The following SLC46A1 variants were observed in gnomAD, a reference collection of about 807,000 sequenced individuals.
SLC46A1 encodes solute carrier family 46 member 1, also known as proton-coupled folate transporter.
A neutral mutation model predicts 32.1 loss-of-function variants in SLC46A1; 17 were observed. That is an observed-to-expected ratio of 0.53 (90% CI 0.36 to 0.79). The LOEUF (loss-of-function observed/expected upper bound fraction) is 0.79. SLC46A1 is among the 30% of genes least tolerant of loss of function. SLC46A1 has a pLI of 0.00. For missense variants in SLC46A1, 517 were observed against 588.2 expected (o/e 0.88, Z 1.25); for synonymous variants, 240 against 262.7 (o/e 0.91, Z 0.84).
Position 28,395,625 on chromosome 17 carries a change from CG to C in SLC46A1, c.*4030del, listed in dbSNP as rs547710909. On this transcript the variant is annotated 3_prime_UTR_variant, in exon 5 of 5. Transcript: ENST00000612814. The stretch of plus-strand genomic sequence containing the variant: ...TCTAGGCTACCCCCATAGCACCCCC[CG>C]GGCCCCCAGTGGGGAATCATCTCTT... 905 of 379,330 alleles carry C rather than the reference CG, an allele frequency of 2.4e-3. 12 individuals are homozygous for C. Among genetic ancestry groups the C allele is most frequent in the African/African-American group, 0.017 (836 of 49,184 alleles). 23.5% of individuals were successfully genotyped at this position (379,330 alleles called of 1,614,324 possible).
chr17:28,402,846 C>T (rs1291328417), intron 2 of SLC46A1: 1 of 152,832 alleles, frequency 6.5e-6, no homozygotes, highest in African/African-American at 2.4e-5. Context: ...GTAAATACTA[C>T]CTTATTTGGA....
Position 28,399,543 on chromosome 17 carries a change from G to A in SLC46A1, c.*113C>T. ...GACTACCTCGTCCAAAGAGAGCACT[G>A]CCCTTAGACAAGAGTTGCTTGTCCT... is the stretch of plus-strand genomic sequence containing the variant. On this transcript the variant is annotated 3_prime_UTR_variant, in exon 5 of 5. Coordinates refer to ENST00000612814, the MANE Select transcript of SLC46A1 (RefSeq NM_080669.6). 1 of 1,070,964 alleles carries A rather than the reference G, an allele frequency of 9.3e-7. No homozygotes were observed. The highest frequency in any genetic ancestry group is 1.6e-5 in the African/African-American group (1 of 64,244). 66.3% of individuals were successfully genotyped at this position (1,070,964 alleles called of 1,614,324 possible). A position where few individuals can be genotyped will look rare whatever the true frequency, so the allele number is the denominator to read the frequency against.
In SLC46A1 at chr17:28,397,271, T is replaced by G. The variant is rs2068138397; in HGVS notation, c.*2385A>C. The G allele has an allele frequency of 6.6e-6, 1 of 152,396 alleles. No individual in the cohort carries two copies. Among genetic ancestry groups the G allele is most frequent in the Admixed American group, 6.5e-5 (1 of 15,286 alleles). 9.4% of individuals were successfully genotyped at this position (152,396 alleles called of 1,614,324 possible). A position where few individuals can be genotyped will look rare whatever the true frequency, so the allele number is the denominator to read the frequency against. ...GCAGCTTCTCCAACTTTAACATGCA[T>G]CCAAGTCACCTGGGAATGTTGTTAA... On this transcript the variant is annotated 3_prime_UTR_variant, in exon 5 of 5. Coordinates refer to ENST00000612814, the MANE Select transcript of SLC46A1 (RefSeq NM_080669.6).
rs41297909 is a variant in SLC46A1, at chr17:28,398,413, T to C, written c.*1243A>G. The C allele has an allele frequency of 5.2e-3, 796 of 152,380 alleles. 11 individuals are homozygous for C. The highest frequency in any genetic ancestry group is 0.029 in the Admixed American group (438 of 15,298). The allele number at this position is 152,380 out of a possible 1,614,324, so 9.4% of individuals were successfully genotyped here. ...AGCCTCCTCTAAGCCAAGGCCAGTGTGTTCAGAGGTGACTGCCACCCATAC... is the reference window on the plus strand; with the variant it reads ...AGCCTCCTCTAAGCCAAGGCCAGTGCGTTCAGAGGTGACTGCCACCCATAC... On this transcript the variant is annotated 3_prime_UTR_variant, in exon 5 of 5. Transcript: ENST00000612814.
intron 3 of SLC46A1, 127 bp downstream of exon 3, chr17:28,402,111 T>C (rs1468304808): frequency 6.8e-6 from 5 of 739,952 alleles, no homozygotes; most frequent in Non-Finnish European, 8.7e-6. Context: ...GTGTTTGTTT[T>C]GGCCACTTAC....
At position 28,399,561 on chromosome 17, in the gene SLC46A1, C is replaced by T. The variant is rs782368223; in HGVS notation, c.*95G>A. 7.6e-7 allele frequency: 1 copy of T among 1,323,096 alleles called. No individual in the cohort carries two copies. The highest frequency in any genetic ancestry group is 1.2e-5 in the South Asian group (1 of 81,928). The allele number at this position is 1,323,096 out of a possible 1,614,324, so 82.0% of individuals were successfully genotyped here. On this transcript the variant is annotated 3_prime_UTR_variant, in exon 5 of 5. Coordinates refer to ENST00000612814, the MANE Select transcript of SLC46A1 (RefSeq NM_080669.6). ...GAGCACTGCCCTTAGACAAGAGTTG[C>T]TTGTCCTGCTGTGGGCTGGGCTTCC...
intron 2 of SLC46A1, 196 bp downstream of exon 2, chr17:28,404,420 A>G (rs1297859512): frequency 6.1e-6 from 4 of 656,938 alleles, no homozygotes; most frequent in Non-Finnish European, 1.1e-5. Context: ...TAGCTACTGA[A>G]GGTCTATATT....
rs1180495255 is a variant in SLC46A1, at chr17:28,402,093, A to G, written c.1165+145T>C. 5 of 659,186 alleles carry G rather than the reference A, an allele frequency of 7.6e-6. No homozygotes were observed. In the East Asian group the frequency reaches 1.4e-4, roughly 18 times the overall value. The allele number at this position is 659,186 out of a possible 1,614,324, so 40.8% of individuals were successfully genotyped here. ...TCCTCTGCCCATTGTGGGCAATTTCACAGAAATGTGTTTGTTTTGGCCACT... is the reference window on the plus strand; with the variant it reads ...TCCTCTGCCCATTGTGGGCAATTTCGCAGAAATGTGTTTGTTTTGGCCACT... On this transcript the variant is annotated intron_variant, in intron 3 of 4. Coordinates refer to ENST00000612814, the MANE Select transcript of SLC46A1 (RefSeq NM_080669.6).
rs1352061592 is a variant in SLC46A1 at position 28,398,739 on chromosome 17, A to G, written c.*917T>C. ...AGAGAGGCATCTCATTGTAGAATGTATGAGGAAGTGGGAAGTATCTCAGAG... is the reference window on the plus strand; with the variant it reads ...AGAGAGGCATCTCATTGTAGAATGTGTGAGGAAGTGGGAAGTATCTCAGAG... On this transcript the variant is annotated 3_prime_UTR_variant, in exon 5 of 5. Transcript: ENST00000612814. 3 of 152,326 alleles carry G rather than the reference A, an allele frequency of 2.0e-5. No individual in the cohort carries two copies. The highest frequency in any genetic ancestry group is 2.0e-4 in the Admixed American group (3 of 15,288). 9.4% of individuals were successfully genotyped at this position (152,326 alleles called of 1,614,324 possible).
Position 28,395,620 on chromosome 17 carries a change from C to G in SLC46A1, c.*4036G>C, listed in dbSNP as rs1326936608. On this transcript the variant is annotated 3_prime_UTR_variant, in exon 5 of 5. Transcript: ENST00000612814. ...AACTATCTAGGCTACCCCCATAGCA[C>G]CCCCCGGGCCCCCAGTGGGGAATCA... is the stretch of plus-strand genomic sequence containing the variant. 7 of 356,906 alleles carry G rather than the reference C, an allele frequency of 2.0e-5. No individual in the cohort carries two copies. Among genetic ancestry groups the G allele is most frequent in the African/African-American group, 6.2e-5 (3 of 48,390 alleles). The allele number at this position is 356,906 out of a possible 1,614,324, so 22.1% of individuals were successfully genotyped here.
rs1249700111 is a variant in SLC46A1, at chr17:28,406,048, C to A, written c.67G>T (p.Gly23Cys). 21 of 1,605,824 alleles carry A rather than the reference C, an allele frequency of 1.3e-5. No homozygotes were observed. The highest frequency in any genetic ancestry group is 1.7e-5 in the Non-Finnish European group (20 of 1,177,466). ...ARPAAAVLCR[G>C]PVEPLVFLAN... ...AGGAAGACCAGCGGCTCTACCGGGC[C>A]CCGGCACAGCACGGCAGCCGCAGGG... Residue 23 changes from glycine (G) to cysteine (C), a missense_variant, in exon 1 of 5, where the codon GGC becomes TGC. Gly to Cys is a radical substitution (Grantham distance 159). Coordinates refer to ENST00000612814, the MANE Select transcript of SLC46A1 (RefSeq NM_080669.6). The surrounding 1 kb of genome is among the most constrained non-coding windows in gnomAD (Gnocchi z 4.5).
chr17:28,399,771 TG>T, intron 4 of SLC46A1, 58 bp from the exon 5 acceptor site: 4 of 1,586,518 alleles, frequency 2.5e-6, no homozygotes, highest in Non-Finnish European at 3.5e-6. Flanking sequence ...AAGGCCTGTC[TG>T]GAGAAGTGAC....
chr17:28,404,790 G>C lies in SLC46A1; in HGVS notation c.907C>G (p.Leu303Val). The C allele has an allele frequency of 1.2e-6, 2 of 1,614,036 alleles. No homozygotes were observed. The highest frequency in any genetic ancestry group is 2.2e-5 in the South Asian group (2 of 91,084). Residue 303 changes from leucine to valine, a missense_variant, in exon 2 of 5, where the codon CTA becomes GTA. By Grantham distance (32) the Leu-to-Val change is conservative. Transcript: ENST00000612814. ...LSTPLCWDSK[L>V]IGYGSAAQHL... ...TGAGCTGCAGAACCATAGCCGATTAGTTTGGAGTCCCAGCAGAGGGGTGTG... is the reference window on the plus strand; with the variant it reads ...TGAGCTGCAGAACCATAGCCGATTACTTTGGAGTCCCAGCAGAGGGGTGTG...
rs558367155 is a variant in SLC46A1 at position 28,404,840 on chromosome 17, T to A, written c.857A>T (p.Asp286Val). 2 of 1,613,966 alleles carry A rather than the reference T, an allele frequency of 1.2e-6. No individual in the cohort carries two copies. Among genetic ancestry groups the A allele is most frequent in the East Asian group, 4.5e-5 (2 of 44,882 alleles). ...GCTTAGTTCATAAAGGGTTAAGATG[T>A]CCTGGGCCCCAAAGTGCACAGTGAT... ...VVITVHFGAQDILTLYELSTP... is the reference protein window; with the variant it reads ...VVITVHFGAQVILTLYELSTP... Residue 286 changes from aspartate (D) to valine (V), a missense_variant, in exon 2 of 5, where the codon GAC (aspartate) becomes GTC (valine). By Grantham distance (152) the Asp-to-Val change is radical. Transcript: ENST00000612814.
At chr17:28,403,804 G>A (rs1218920801) in intron 2 of SLC46A1, 2 of 152,200 alleles carry the variant, frequency 1.3e-5, no homozygotes, top group Admixed American at 6.5e-5. Flanking sequence ...TTGAGCTCAG[G>A]AGTTAGAGAC....
Position 28,396,317 on chromosome 17 carries a change from CTT to C in SLC46A1, c.*3337_*3338del. On this transcript the variant is annotated 3_prime_UTR_variant, in exon 5 of 5. Transcript: ENST00000612814. ...CCCCAGTTCCCCAGCCCTGCTGTGA[CTT>C]CCATTTCCATCGTCCTTTCTGAAGG... 6.2e-7 allele frequency: 1 copy of C among 1,611,806 alleles called. No individual in the cohort carries two copies. Among genetic ancestry groups the C allele is most frequent in the Non-Finnish European group, 8.5e-7 (1 of 1,178,490 alleles).
Position 28,405,387 on chromosome 17 carries a change from G to A in SLC46A1, c.310C>T (p.Leu104=), listed in dbSNP as rs1417608734. Residue 104 remains leucine, a synonymous_variant, in exon 2 of 5, where the codon CTG becomes TTG. Coordinates refer to ENST00000612814, the MANE Select transcript of SLC46A1 (RefSeq NM_080669.6). ...FLVGLFSSTL[L]GAWSDSVGRR... The stretch of plus-strand genomic sequence containing the variant: ...CCCACACTGTCGCTCCAAGCTCCCA[G>A]CAGGGTGGACGAGAAGAGCCCCACC... 1.9e-6 allele frequency: 3 copies of A among 1,586,296 alleles called. No homozygotes were observed. Among genetic ancestry groups the A allele is most frequent in the Non-Finnish European group, 2.6e-6 (3 of 1,167,096 alleles).
intron 1 of SLC46A1, 21 bp from the exon 2 acceptor site, chr17:28,405,489 G>A (rs1285416757): frequency 1.3e-6 from 2 of 1,592,350 alleles, no homozygotes; most frequent in Non-Finnish European, 1.7e-6. Context: ...ACAATGACCA[G>A]GGTGCGGTTC....
At position 28,405,065 on chromosome 17, in the gene SLC46A1, G is replaced by A. The variant is rs368657591; in HGVS notation, c.632C>T (p.Pro211Leu). Residue 211 changes from proline to leucine, a missense_variant, in exon 2 of 5, where the codon CCC becomes CTC. By Grantham distance (98) the Pro-to-Leu change is moderately conservative. Coordinates refer to ENST00000612814, the MANE Select transcript of SLC46A1 (RefSeq NM_080669.6). ...HWLRAQGYAN[P>L]FWLALALLIA... Reference sequence around the variant, plus strand: ...CAGCAAGGCCAAGGCCAGCCAGAAGGGGTTGGCATAACCCTGGGCCCGGAG... The same window carrying A: ...CAGCAAGGCCAAGGCCAGCCAGAAGAGGTTGGCATAACCCTGGGCCCGGAG... The A allele has an allele frequency of 1.9e-6, 3 of 1,613,986 alleles. No individual in the cohort carries two copies. The highest frequency in any genetic ancestry group is 2.5e-6 in the Non-Finnish European group (3 of 1,179,880).
Sources: allele counts gnomAD v4.1 joint callset, GRCh38; gene constraint gnomAD v4.1.1; non-coding constraint Gnocchi (gnomAD v3.1); transcripts MANE v1.5; gene names NCBI Gene and HGNC (gene_info 2026-07-23, HGNC 2026-07-21).